FHIT: variants seen among roughly 807,000 people sequenced by gnomAD.
FHIT encodes the protein fragile histidine triad diadenosine triphosphatase, also known as bis(5'-adenosyl)-triphosphatase.
FHIT carries 19 observed loss-of-function variants against 17.9 expected under a neutral mutation model. That is an observed-to-expected ratio of 1.06 (90% CI 0.74 to 1.56). FHIT has a LOEUF of 1.56. FHIT is among the 40% of genes most tolerant of loss of function. The pLI, the probability that FHIT is intolerant of heterozygous loss-of-function variation, is 0.00. For synonymous variants in FHIT, 81 were observed against 69.7 expected (o/e 1.16, Z -0.81); for missense variants, 248 against 189.2 (o/e 1.31, Z -1.82).
At chr3:60,531,781 A>T (rs781678564) in intron 5 of FHIT, among the ~76,000 whole-genome samples, 34 of 152,144 alleles carry the variant, frequency 2.2e-4, no homozygotes, top group Admixed American at 7.2e-4. Context: ...TTATTTTTCC[A>T]CTTATTTCAG....
intron 3 of FHIT, among the ~76,000 whole-genome samples, chr3:60,973,300 C>T (rs1341011942): frequency 6.6e-6 from 1 of 152,142 alleles, no homozygotes; most frequent in Non-Finnish European, 1.5e-5. Context: ...CCTCAAGGAC[C>T]TTGAGTATTT....
intron 5 of FHIT, among the ~76,000 whole-genome samples, chr3:60,112,963 T>C (rs896709014): frequency 1.3e-5 from 2 of 152,214 alleles, no homozygotes; most frequent in Non-Finnish European, 2.9e-5. Flanking sequence ...TATGGGCTGA[T>C]TGGCTCAGAT....
At chr3:61,024,075 T>C (rs1284569710) in intron 3 of FHIT, among the ~76,000 whole-genome samples, 4 of 152,028 alleles carry the variant, frequency 2.6e-5, no homozygotes, top group African/African-American at 7.2e-5. Context: ...AGAAATAACA[T>C]AGTATATTTT....
At position 60,211,067 on chromosome 3, in the gene FHIT, G is replaced by A. The variant is rs1237262137; in HGVS notation, c.104-196915C>T. ...CCCCATGATGGAGTACTATAAAACCGTAAAAAAAAAAAAAAAAAAAGAAGA... is the reference window on the plus strand; with the variant it reads ...CCCCATGATGGAGTACTATAAAACCATAAAAAAAAAAAAAAAAAAAGAAGA... On this transcript the variant is annotated intron_variant, in intron 5 of 9. Coordinates refer to ENST00000492590, the MANE Select transcript of FHIT (RefSeq NM_002012.4). 3.8e-4 allele frequency among the ~76,000 whole-genome samples: 19 copies of A among 49,996 alleles called. No homozygotes were observed. The East Asian group carries it at 0.014, about 36-fold the overall frequency. 32.8% of individuals were successfully genotyped at this position (49,996 alleles called of 152,430 possible).
At chr3:60,066,858 G>A (rs767767223) in intron 5 of FHIT, among the ~76,000 whole-genome samples, 5 of 151,408 alleles carry the variant, frequency 3.3e-5, no homozygotes, top group East Asian at 2.0e-4. Context: ...GGGTTTCACC[G>A]TGGTCTCGAT....
intron 5 of FHIT, among the ~76,000 whole-genome samples, chr3:60,432,506 T>C (rs536689395): frequency 6.6e-6 from 1 of 152,236 alleles, no homozygotes; most frequent in Admixed American, 6.5e-5. Flanking sequence ...AATATATCAC[T>C]ATATAGCATT....
At chr3:60,336,853 A>G (rs950417463) in intron 5 of FHIT, among the ~76,000 whole-genome samples, 2 of 151,536 alleles carry the variant, frequency 1.3e-5, no homozygotes, top group African/African-American at 4.9e-5. Flanking sequence ...GACTAAGACT[A>G]TTTAAAAAAA....
intron 5 of FHIT, among the ~76,000 whole-genome samples, chr3:60,368,295 A>G (rs971282720): frequency 6.6e-6 from 1 of 151,350 alleles, no homozygotes; most frequent in South Asian, 2.1e-4. Context: ...TTATTCCATC[A>G]TCTTATTCAC....
intron 3 of FHIT, among the ~76,000 whole-genome samples, chr3:60,938,287 T>C (rs191226328): frequency 2.6e-5 from 4 of 152,122 alleles, no homozygotes; most frequent in South Asian, 2.1e-4. Flanking sequence ...GAATGCTGTA[T>C]GAGGAAGGGC....
At chr3:59,972,454 C>T (rs1708229337) in intron 7 of FHIT, among the ~76,000 whole-genome samples, 1 of 152,104 alleles carries the variant, frequency 6.6e-6, no homozygotes, top group African/African-American at 2.4e-5. Flanking sequence ...TAGTATCATA[C>T]ATTTCAGTAG....
chr3:60,973,424 C>T (rs1710107471), intron 3 of FHIT, among the ~76,000 whole-genome samples: 1 of 152,020 alleles, frequency 6.6e-6, no homozygotes, highest in Admixed American at 6.6e-5. Flanking sequence ...ATTTTGTTGT[C>T]TCTCCCTGGG....
intron 5 of FHIT, among the ~76,000 whole-genome samples, chr3:60,085,244 G>C (rs543005338): frequency 6.6e-5 from 10 of 152,216 alleles, no homozygotes; most frequent in Admixed American, 6.5e-4. Flanking sequence ...ATAAAAGACG[G>C]GTACAGACAA....
intron 4 of FHIT, among the ~76,000 whole-genome samples, chr3:60,797,545 C>T (rs1701028090): frequency 6.6e-6 from 1 of 151,362 alleles, no homozygotes; most frequent in African/African-American, 2.4e-5. Context: ...TCTGCTGGTT[C>T]CATTTCATAG....
intron 2 of FHIT, among the ~76,000 whole-genome samples, chr3:61,048,016 A>C (rs1475176526): frequency 6.6e-6 from 1 of 151,474 alleles, no homozygotes; most frequent in Non-Finnish European, 1.5e-5. Context: ...TAAAACCATA[A>C]AAACCCTAGA....
chr3:59,925,496 A>G (rs939636739), intron 7 of FHIT, among the ~76,000 whole-genome samples: 2 of 152,140 alleles, frequency 1.3e-5, no homozygotes, highest in East Asian at 3.9e-4. Context: ...GTTAGTATCC[A>G]CTACTAACAT....
chr3:61,079,494 G>A (rs1250652693), intron 2 of FHIT, among the ~76,000 whole-genome samples: 1 of 152,110 alleles, frequency 6.6e-6, no homozygotes, highest in East Asian at 1.9e-4. Context: ...CAAAAAAAAT[G>A]TCATTTTTCT....
chr3:60,728,666 A>G (rs192367255), intron 4 of FHIT, among the ~76,000 whole-genome samples: 41 of 149,934 alleles, frequency 2.7e-4, no homozygotes, highest in African/African-American at 1.0e-3. Context: ...TAAAATTTAC[A>G]TCTTTTAAAT....
At chr3:60,553,409 A>C in intron 4 of FHIT, 1 of 971,546 alleles carries the variant, frequency 1.0e-6, no homozygotes. Flanking sequence ...TCCGACGGAG[A>C]CCTTTTATGC....
intron 3 of FHIT, among the ~76,000 whole-genome samples, chr3:60,955,834 G>A (rs1238544528): frequency 2.0e-5 from 3 of 151,760 alleles, no homozygotes; most frequent in African/African-American, 7.3e-5. Context: ...GTAGATGGTG[G>A]TTCATGGGTG....
Sources: allele counts gnomAD v4.1 joint callset (sites outside exome capture counted in the v4.1 genomes callset), GRCh38; gene constraint gnomAD v4.1.1; transcripts MANE v1.5; gene names NCBI Gene and HGNC (gene_info 2026-07-23, HGNC 2026-07-21).